The following FCHO2 variants were observed in gnomAD, a reference collection of about 807,000 sequenced individuals.
FCHO2 encodes the protein F-BAR domain only protein 2.
Under a neutral mutation model 114.1 loss-of-function variants are expected in FCHO2, and 43 were observed. That is an observed-to-expected ratio of 0.38 (90% CI 0.30 to 0.49). The LOEUF is 0.49. Among genes scored for constraint, FCHO2 ranks in the 20% least tolerant of loss-of-function variants. The pLI is 0.97. For synonymous variants in FCHO2, 293 were observed against 315.2 expected (o/e 0.93, Z 0.75); for missense variants, 807 against 950.4 (o/e 0.85, Z 1.98).
At chr5:73,010,507 T>C (rs1754945537) in intron 6 of FCHO2, among the ~76,000 whole-genome samples, 1 of 152,134 alleles carries the variant, frequency 6.6e-6, no homozygotes, top group African/African-American at 2.4e-5. Flanking sequence ...AGTGTAGCCC[T>C]GTGTCGCTTA....
rs559216140 is a variant in FCHO2 at position 73,018,956 on chromosome 5, G to A, written c.796+1648G>A. Among the ~76,000 whole-genome samples the A allele has an allele frequency of 1.1e-4, 17 of 152,276 alleles. No individual in the cohort carries two copies. The South Asian group carries it at 2.9e-3, about 26-fold the overall frequency. On this transcript the variant is annotated intron_variant, in intron 8 of 25. Transcript: ENST00000430046. ...GAAAGTCAGCCAAGGGCAGATGTTT[G>A]GATAAATAGACTCATAGGGACATAC...
At chr5:73,064,138 C>G (rs916608441) in intron 18 of FCHO2, among the ~76,000 whole-genome samples, 194 bp downstream of exon 18, 1 of 152,066 alleles carries the variant, frequency 6.6e-6, no homozygotes, top group Non-Finnish European at 1.5e-5. Flanking sequence ...TGAGACACGA[C>G]ATTGTCCAGG....
chr5:73,005,086 G>C, intron 5 of FCHO2, among the ~76,000 whole-genome samples: 1 of 152,030 alleles, frequency 6.6e-6, no homozygotes, highest in East Asian at 1.9e-4. Context: ...TGGTAAAGTG[G>C]CATCCTATAT....
intron 6 of FCHO2, among the ~76,000 whole-genome samples, chr5:73,014,062 A>T (rs1360015047): frequency 2.6e-5 from 4 of 152,126 alleles, no homozygotes; most frequent in Admixed American, 2.6e-4. Context: ...AGTAACTTGG[A>T]AATTTTTTCC....
At chr5:73,050,275 C>T (rs1408643146) in intron 11 of FCHO2, among the ~76,000 whole-genome samples, 1 of 151,590 alleles carries the variant, frequency 6.6e-6, no homozygotes, top group Non-Finnish European at 1.5e-5. Context: ...CCCTCCCTCC[C>T]TCTCTGTTTA....
intron 15 of FCHO2, among the ~76,000 whole-genome samples, chr5:73,055,330 A>G (rs1757540704): frequency 6.6e-6 from 1 of 152,174 alleles, no homozygotes; most frequent in African/African-American, 2.4e-5. Flanking sequence ...AACTGAGCCA[A>G]GTGAAGAATG....
At chr5:73,082,943 A>C in intron 24 of FCHO2, 118 bp downstream of exon 24, 25 of 781,018 alleles carry the variant, frequency 3.2e-5, no homozygotes, top group Non-Finnish European at 4.2e-5. Context: ...ACACAATCTC[A>C]GCTCACTGCA....
At chr5:72,998,482 G>A (rs1321176205) in intron 5 of FCHO2, among the ~76,000 whole-genome samples, 3 of 151,196 alleles carry the variant, frequency 2.0e-5, no homozygotes, top group African/African-American at 7.3e-5. Flanking sequence ...GCGAAACTCC[G>A]TCTCAAAAAA....
intron 6 of FCHO2, among the ~76,000 whole-genome samples, chr5:73,010,876 A>C (rs1271168450): frequency 2.0e-4 from 19 of 94,406 alleles, no homozygotes; most frequent in Non-Finnish European, 4.2e-4. Flanking sequence ...ACTCTGTCTC[A>C]AAAAAAAAAA....
intron 1 of FCHO2, 27 bp from the exon 2 acceptor site, chr5:72,968,471 G>C (rs1752326640): frequency 7.0e-7 from 1 of 1,429,846 alleles, no homozygotes; most frequent in Non-Finnish European, 9.3e-7. Context: ...GTTTTTTTAT[G>C]AAACTAAAAA....
At chr5:72,997,656 C>A in intron 5 of FCHO2, 1 of 1,511,800 alleles carries the variant, frequency 6.6e-7, no homozygotes, top group South Asian at 1.1e-5. Flanking sequence ...CAGCTGCTCC[C>A]CCTTCACCTG....
Position 73,082,803 on chromosome 5 carries a change from TTCAGAAAAA to T in FCHO2, c.2232_2240del (p.Lys744_Glu746del). ...AAGCCTTTTGGAAATTGTCTAGTAT[TTCAGAAAAA>T]TCAGAAAATGGAGGTAAGTGTGTGT... On this transcript the variant is annotated inframe_deletion, in exon 24 of 26. Transcript: ENST00000430046. 3 of 1,606,780 alleles carry T rather than the reference TTCAGAAAAA, an allele frequency of 1.9e-6. No homozygotes were observed. Among genetic ancestry groups the T allele is most frequent in the Non-Finnish European group, 2.5e-6 (3 of 1,176,560 alleles).
chr5:72,990,651 T>G (rs760129957), intron 4 of FCHO2, 32 bp downstream of exon 4: 2 of 1,526,276 alleles, frequency 1.3e-6, no homozygotes, highest in East Asian at 2.4e-5. Context: ...AATAATTGAT[T>G]GGTCAGATAT....
chr5:73,057,513 TTG>T (rs927848015), intron 16 of FCHO2, among the ~76,000 whole-genome samples: 7 of 152,164 alleles, frequency 4.6e-5, no homozygotes, highest in Non-Finnish European at 8.8e-5. Context: ...GCCTGTTTTT[TTG>T]TGTGTGTAAG....
chr5:73,000,779 T>A (rs1229927499), intron 5 of FCHO2, among the ~76,000 whole-genome samples: 1 of 150,148 alleles, frequency 6.7e-6, no homozygotes, highest in African/African-American at 2.4e-5. Context: ...CTGTCTCAAT[T>A]AAAAAAAAAA....
chr5:73,054,205 C>T, intron 14 of FCHO2, 34 bp downstream of exon 14: 1 of 1,479,092 alleles, frequency 6.8e-7, no homozygotes, highest in Non-Finnish European at 9.1e-7. Flanking sequence ...TGCCCATTGA[C>T]TTTTAAAATC....
At chr5:73,066,709 CA>C (rs984607568) in intron 18 of FCHO2, among the ~76,000 whole-genome samples, 8 of 151,404 alleles carry the variant, frequency 5.3e-5, no homozygotes, top group African/African-American at 1.9e-4. Flanking sequence ...TGTTCTAGAG[CA>C]GGGGCACCCA....
chr5:73,015,231 G>GGTGTGTAAAA (rs1278147967), intron 6 of FCHO2, among the ~76,000 whole-genome samples: 2 of 152,054 alleles, frequency 1.3e-5, no homozygotes, highest in African/African-American at 4.8e-5. Context: ...GTGTAAAAGT[G>GGTGTGTAAAA]GTAACTTGGA....
intron 8 of FCHO2, among the ~76,000 whole-genome samples, chr5:73,027,485 T>G (rs549124012): frequency 6.6e-6 from 1 of 152,154 alleles, no homozygotes; most frequent in Non-Finnish European, 1.5e-5. Flanking sequence ...GAAACGTTTG[T>G]CTAATCCAAG....
Sources: gnomAD v4.1 joint callset for allele counts (sites outside exome capture counted in the v4.1 genomes callset) on GRCh38, gnomAD v4.1.1 for gene constraint, MANE v1.5 for transcripts, NCBI Gene and HGNC (gene_info 2026-07-23, HGNC 2026-07-21) for gene names.